SLC16A6: variants seen among roughly 807,000 people sequenced by gnomAD.
SLC16A6 encodes the protein solute carrier family 16 member 6, also known as monocarboxylate transporter 7.
Under a neutral mutation model 33.8 loss-of-function variants are expected in SLC16A6, and 15 were observed. That is an observed-to-expected ratio of 0.44 (90% CI 0.30 to 0.68). The LOEUF is 0.68. Among genes scored for constraint, SLC16A6 ranks in the 30% least tolerant of loss-of-function variants. The pLI is 0.10. For missense variants in SLC16A6, 451 were observed against 661.5 expected (o/e 0.68, Z 3.49); for synonymous variants, 219 against 248.4 (o/e 0.88, Z 1.11).
Position 68,274,017 on chromosome 17 carries a change from A to C in SLC16A6, c.286T>G (p.Leu96Val). 1.9e-6 allele frequency: 3 copies of C among 1,614,138 alleles called. No homozygotes were observed. Among genetic ancestry groups the C allele is most frequent in the Non-Finnish European group, 2.5e-6 (3 of 1,180,018 alleles). ...NRFGHRLVVM[L>V]GGLLVSTGMV... ...CCGGTGCTGACAAGTAGCCCCCCCA[A>C]CATCACTACCAGACGGTGTCCGAAA... The change falls in exon 3 of 6, where the codon TTG (leucine) becomes GTG (valine). Residue 96 changes from leucine to valine, a missense_variant. Transcript: ENST00000580666.
intron 2 of SLC16A6, among the ~76,000 whole-genome samples, chr17:68,275,909 G>T (rs1269550216): frequency 6.6e-6 from 1 of 151,510 alleles, no homozygotes; most frequent in Non-Finnish European, 1.5e-5. Flanking sequence ...CTTGAACCTG[G>T]GAGGCGGAGG....
At position 68,268,287 on chromosome 17, in the gene SLC16A6, A is replaced by G. The variant is rs1365109607; in HGVS notation, c.*809T>C. The G allele has an allele frequency of 6.6e-6, 1 of 152,598 alleles. No homozygotes were observed. Among genetic ancestry groups the G allele is most frequent in the African/African-American group, 2.4e-5 (1 of 41,440 alleles). The allele number at this position is 152,598 out of a possible 1,614,324, so 9.5% of individuals were successfully genotyped here. On this transcript the variant is annotated 3_prime_UTR_variant, in exon 6 of 6. Transcript: ENST00000580666. ...AATAGCGGTTTAAATTAAAGACACT[A>G]CAGTCACATATTTCTGTATAACTAA...
chr17:68,271,594 A>C lies in SLC16A6; in HGVS notation c.566T>G (p.Leu189Arg). 6.2e-7 allele frequency: 1 copy of C among 1,614,164 alleles called. No homozygotes were observed. The highest frequency in any genetic ancestry group is 1.1e-5 in the South Asian group (1 of 91,086). Residue 189 changes from leucine (L) to arginine (R), a missense_variant, in exon 5 of 6, where the codon CTA becomes CGA. By Grantham distance (102) the Leu-to-Arg change is moderately radical. Around this residue, in one of 2 missense-constraint regions of SLC16A6, gnomAD observed 405 missense variants for 510.7 expected, o/e 0.79. Transcript: ENST00000580666. This position sits in a 1 kb window ranked among gnomAD's most constrained non-coding sequence, Gnocchi z 5.3. ...TCCGAAGATGACAATGTTTAACTGT[A>C]GTAGGCCCACGAAGAGGAGGCTGTA... is the stretch of plus-strand genomic sequence containing the variant. Reference protein sequence around the residue: ...WRYSLLFVGLLQLNIVIFGAL... With the variant: ...WRYSLLFVGLRQLNIVIFGAL...
intron 1 of SLC16A6, among the ~76,000 whole-genome samples, chr17:68,283,900 C>T (rs1429060869): frequency 3.7e-5 from 4 of 107,002 alleles, no homozygotes; most frequent in Non-Finnish European, 8.3e-5. Context: ...AAAAAAAAGA[C>T]CAGCCTGGCC....
intron 1 of SLC16A6, among the ~76,000 whole-genome samples, chr17:68,281,500 G>A (rs1179280005): frequency 6.6e-6 from 1 of 151,392 alleles, no homozygotes; most frequent in African/African-American, 2.4e-5. Flanking sequence ...ACTTGAACCT[G>A]GGAGGTGGAG....
intron 1 of SLC16A6, among the ~76,000 whole-genome samples, chr17:68,289,259 C>T (rs1555755072): frequency 6.6e-6 from 1 of 152,098 alleles, no homozygotes; most frequent in African/African-American, 2.4e-5. Context: ...GATGACGCTA[C>T]TGCACTCCCA....
At chr17:68,277,763 A>G (rs1415618741) in intron 2 of SLC16A6, among the ~76,000 whole-genome samples, 2 of 152,212 alleles carry the variant, frequency 1.3e-5, no homozygotes, top group African/African-American at 2.4e-5. Flanking sequence ...GACAGTGACT[A>G]TATCCTCACA....
intron 1 of SLC16A6, among the ~76,000 whole-genome samples, chr17:68,290,126 A>G (rs1472261451): frequency 6.6e-6 from 1 of 152,226 alleles, no homozygotes; most frequent in African/African-American, 2.4e-5. Context: ...TTCCCGGGGT[A>G]GAAACCATCT....
Position 68,274,008 on chromosome 17 carries a change from G to GC in SLC16A6, c.294dup (p.Leu99AlafsTer34), listed in dbSNP as rs782184620. The GC allele has an allele frequency of 3.7e-6, 6 of 1,613,832 alleles. No homozygotes were observed. Among genetic ancestry groups the GC allele is most frequent in the South Asian group, 1.1e-5 (1 of 91,074 alleles). On this transcript the variant is annotated frameshift_variant, in exon 3 of 6. Coordinates refer to ENST00000580666, the MANE Select transcript of SLC16A6 (RefSeq NM_004694.5). LOFTEE classifies it high-confidence loss of function. The stretch of plus-strand genomic sequence containing the variant: ...GCCACCATCCCGGTGCTGACAAGTA[G>GC]CCCCCCCAACATCACTACCAGACGG...
intron 5 of SLC16A6, among the ~76,000 whole-genome samples, chr17:68,270,538 A>C (rs1467451935): frequency 5.4e-5 from 8 of 149,306 alleles, no homozygotes; most frequent in Non-Finnish European, 1.0e-4. Context: ...TGGGTGATAG[A>C]GCGAGACTCC....
chr17:68,271,068 G>C lies in SLC16A6; in HGVS notation c.1092C>G (p.Ile364Met). The C allele has an allele frequency of 6.2e-7, 1 of 1,614,190 alleles. No individual in the cohort carries two copies. The highest frequency in any genetic ancestry group is 1.1e-5 in the South Asian group (1 of 91,084). The change falls in exon 5 of 6, where the codon ATC becomes ATG. Residue 364 changes from isoleucine to methionine, a missense_variant. Coordinates refer to ENST00000580666, the MANE Select transcript of SLC16A6 (RefSeq NM_004694.5). This position sits in a 1 kb window ranked among gnomAD's most constrained non-coding sequence, Gnocchi z 5.3. ...GAGACACAGTCAATAAGATGACGCAGATGAGCTCAATGTAAATCTTACGAA... is the reference window on the plus strand; with the variant it reads ...GAGACACAGTCAATAAGATGACGCACATGAGCTCAATGTAAATCTTACGAA... ...EPIRKIYIELICVILLTVSLF... is the reference protein window; with the variant it reads ...EPIRKIYIELMCVILLTVSLF...
Position 68,272,585 on chromosome 17 carries a change from C to A in SLC16A6, c.505+54G>T, listed in dbSNP as rs2075376638. ...GGCAAAAGTTAGCGTAGCAAGAATA[C>A]CTGAGTGACGTCTCTCATCCACATT... is the stretch of plus-strand genomic sequence containing the variant. On this transcript the variant is annotated intron_variant, in intron 4 of 5. Transcript: ENST00000580666. 3 of 1,593,898 alleles carry A rather than the reference C, an allele frequency of 1.9e-6. No individual in the cohort carries two copies. The Admixed American group carries it at 5.1e-5, about 27-fold the overall frequency.
intron 5 of SLC16A6, among the ~76,000 whole-genome samples, chr17:68,270,574 A>G (rs9674877): frequency 6.7e-6 from 1 of 150,210 alleles, no homozygotes; most frequent in African/African-American, 2.4e-5. Context: ...AAAAAAGGCC[A>G]GGGTCAATCT....
chr17:68,272,907 G>T, intron 3 of SLC16A6, 140 bp from the exon 4 acceptor site: 1 of 1,000,462 alleles, frequency 1.0e-6, no homozygotes, highest in South Asian at 1.6e-5. Context: ...CTGGACAAAG[G>T]TGATGTTGCA....
chr17:68,279,581 A>G (rs563462785), intron 1 of SLC16A6, among the ~76,000 whole-genome samples: 25 of 152,298 alleles, frequency 1.6e-4, no homozygotes, highest in African/African-American at 6.0e-4. Context: ...GTAGGGCCCC[A>G]TCTGGACACC....
chr17:68,284,960 G>T (rs1555753950), intron 1 of SLC16A6, among the ~76,000 whole-genome samples: 1 of 152,136 alleles, frequency 6.6e-6, no homozygotes, highest in African/African-American at 2.4e-5. Context: ...CTTGTACACA[G>T]CTTGTATTTA....
chr17:68,278,848 G>C (rs1395760810), intron 1 of SLC16A6, among the ~76,000 whole-genome samples: 1 of 151,864 alleles, frequency 6.6e-6, no homozygotes, highest in East Asian at 1.9e-4. Flanking sequence ...TCAAACTCCT[G>C]ACCTCAAGGG....
rs1192327611 is a variant in SLC16A6 at position 68,273,995 on chromosome 17, G to T, written c.308C>A (p.Thr103Asn). The change falls in exon 3 of 6, where the codon ACC becomes AAC. Residue 103 changes from threonine to asparagine, a missense_variant. Thr to Asn is a moderately conservative substitution (Grantham distance 65). Coordinates refer to ENST00000580666, the MANE Select transcript of SLC16A6 (RefSeq NM_004694.5). ...VVMLGGLLVSTGMVAASFSQE... is the reference protein window; with the variant it reads ...VVMLGGLLVSNGMVAASFSQE... ...TGAGAAGGAGGCGGCCACCATCCCG[G>T]TGCTGACAAGTAGCCCCCCCAACAT... 1.9e-6 allele frequency: 3 copies of T among 1,614,158 alleles called. No homozygotes were observed. Among genetic ancestry groups the T allele is most frequent in the Admixed American group, 3.3e-5 (2 of 60,012 alleles).
At chr17:68,274,288 A>G in intron 2 of SLC16A6, 1 of 413,368 alleles carries the variant, frequency 2.4e-6, no homozygotes, top group Non-Finnish European at 4.4e-6. Context: ...CAACATGGTG[A>G]AACCCCGTCT....
Sources: gnomAD v4.1 joint callset for allele counts (sites outside exome capture counted in the v4.1 genomes callset) on GRCh38, gnomAD v4.1.1 for gene constraint, gnomAD v4.1.1 regional missense constraint, Gnocchi (gnomAD v3.1) non-coding constraint, MANE v1.5 for transcripts, NCBI Gene and HGNC (gene_info 2026-07-23, HGNC 2026-07-21) for gene names.